CSMD1: variants seen among roughly 807,000 people sequenced by gnomAD.
CSMD1 encodes the protein CUB and Sushi multiple domains 1.
CSMD1 carries 213 observed loss-of-function variants against 417.5 expected under a neutral mutation model. That is an observed-to-expected ratio of 0.51 (90% CI 0.46 to 0.57). CSMD1 has a LOEUF of 0.57. CSMD1 is among the 20% of genes least tolerant of loss of function. The pLI, the probability that CSMD1 is intolerant of heterozygous loss-of-function variation, is 0.00. For missense variants in CSMD1, 6,923 were observed against 4,529.7 expected (o/e 1.53, Z -15.17); for synonymous variants, 2,862 against 1,736.8 (o/e 1.65, Z -16.11).
At chr8:3,393,165 C>G (rs148043122) in intron 17 of CSMD1, among the ~76,000 whole-genome samples, 40 of 152,214 alleles carry the variant, frequency 2.6e-4, no homozygotes, top group African/African-American at 9.2e-4. Flanking sequence ...GAATAGGTGA[C>G]AAACCTTTGA....
At chr8:4,925,683 A>C (rs895916233) in intron 1 of CSMD1, among the ~76,000 whole-genome samples, 2 of 151,926 alleles carry the variant, frequency 1.3e-5, no homozygotes, top group African/African-American at 4.8e-5. Flanking sequence ...AGTAGCTGGG[A>C]CTACAGGCGC....
rs1052329121 is a variant in CSMD1, at chr8:3,230,363, C to G, written c.4154-132G>C. On this transcript the variant is annotated intron_variant, in intron 26 of 69. Transcript: ENST00000635120. ...AGTCATTTGTCTACACATGAACATACGAAAATAGTTTCTTTTCCCAGGGGT... is the reference window on the plus strand; with the variant it reads ...AGTCATTTGTCTACACATGAACATAGGAAAATAGTTTCTTTTCCCAGGGGT... 9 of 557,952 alleles carry G rather than the reference C, an allele frequency of 1.6e-5. No homozygotes were observed. The South Asian group carries it at 4.4e-4, about 27-fold the overall frequency. 34.6% of individuals were successfully genotyped at this position (557,952 alleles called of 1,614,324 possible). A position where few individuals can be genotyped will look rare whatever the true frequency, so the allele number is the denominator to read the frequency against.
At chr8:4,160,075 G>GC (rs371668003) in intron 3 of CSMD1, among the ~76,000 whole-genome samples, 86 of 144,436 alleles carry the variant, frequency 6.0e-4, no homozygotes, top group African/African-American at 2.1e-3. Flanking sequence ...TTCTCCAAAA[G>GC]TATGGAATTT....
rs374201564 is a variant in CSMD1 at position 3,302,503 on chromosome 8, C to T, written c.3950+5192G>A. Among the ~76,000 whole-genome samples, 9 of 152,320 alleles carry T rather than the reference C, an allele frequency of 5.9e-5. No homozygotes were observed. In the East Asian group the frequency reaches 7.7e-4, roughly 13 times the overall value. On this transcript the variant is annotated intron_variant, in intron 25 of 69. Coordinates refer to ENST00000635120, the MANE Select transcript of CSMD1 (RefSeq NM_033225.6). ...TTTCACTTCCCATGATATCACTTCT[C>T]ATTTCTTCCCTGCATGTCTATCTTT...
At chr8:4,356,433 T>C (rs575131171) in intron 3 of CSMD1, among the ~76,000 whole-genome samples, 57 of 152,308 alleles carry the variant, frequency 3.7e-4, no homozygotes, top group Middle Eastern at 3.4e-3. Context: ...ACTATAAACA[T>C]GCATGTACAA....
intron 1 of CSMD1, among the ~76,000 whole-genome samples, chr8:4,855,639 C>T (rs540398831): frequency 7.9e-5 from 12 of 152,208 alleles, no homozygotes; most frequent in Non-Finnish European, 1.5e-4. Context: ...GGAGCCAATG[C>T]AATCAACTGG....
intron 1 of CSMD1, among the ~76,000 whole-genome samples, chr8:4,825,958 G>A (rs1799803423): frequency 6.6e-6 from 1 of 151,978 alleles, no homozygotes; most frequent in African/African-American, 2.4e-5. Flanking sequence ...CATCTTTGAG[G>A]ATGACTAATT....
chr8:3,698,677 G>A (rs1173508160), intron 7 of CSMD1, among the ~76,000 whole-genome samples: 2 of 152,108 alleles, frequency 1.3e-5, no homozygotes, highest in Non-Finnish European at 2.9e-5. Context: ...TAACACGCCT[G>A]GTATTCCTTA....
At chr8:3,771,674 G>C (rs1344398926) in intron 5 of CSMD1, among the ~76,000 whole-genome samples, 2 of 152,172 alleles carry the variant, frequency 1.3e-5, no homozygotes, top group Non-Finnish European at 2.9e-5. Context: ...ACAGGAGGAA[G>C]AGAACGGAGA....
intron 7 of CSMD1, among the ~76,000 whole-genome samples, chr8:3,648,402 C>A (rs12677648): frequency 2.0e-5 from 3 of 151,992 alleles, no homozygotes; most frequent in Non-Finnish European, 4.4e-5. Context: ...GACATGCTGC[C>A]TGCTGCACTA....
At chr8:4,941,654 A>G (rs952391488) in intron 1 of CSMD1, among the ~76,000 whole-genome samples, 4 of 151,572 alleles carry the variant, frequency 2.6e-5, no homozygotes, top group African/African-American at 9.7e-5. Flanking sequence ...GCTGGGGTAC[A>G]GTACCACAAT....
chr8:3,473,523 C>A (rs1446321236), intron 11 of CSMD1, among the ~76,000 whole-genome samples: 1 of 152,104 alleles, frequency 6.6e-6, no homozygotes, highest in Non-Finnish European at 1.5e-5. Flanking sequence ...GGCTTGCTAA[C>A]ACTGAGATAT....
intron 3 of CSMD1, among the ~76,000 whole-genome samples, chr8:4,211,912 T>C (rs946004427): frequency 3.3e-5 from 5 of 152,216 alleles, no homozygotes; most frequent in South Asian, 2.1e-4. Flanking sequence ...ACATCATCAA[T>C]GTACTATTAG....
intron 5 of CSMD1, among the ~76,000 whole-genome samples, chr8:3,992,378 T>C (rs1814821789): frequency 2.0e-5 from 3 of 152,204 alleles, no homozygotes; most frequent in Admixed American, 2.0e-4. Context: ...AGCACAAGTT[T>C]ACTATTAAAT....
intron 10 of CSMD1, among the ~76,000 whole-genome samples, chr8:3,527,469 A>T (rs1797800066): frequency 6.6e-6 from 1 of 152,096 alleles, no homozygotes; most frequent in African/African-American, 2.4e-5. Flanking sequence ...CGAGGGTGGG[A>T]TGTCACTATG....
intron 1 of CSMD1, among the ~76,000 whole-genome samples, chr8:4,804,668 T>C (rs538121425): frequency 6.6e-6 from 1 of 152,284 alleles, no homozygotes; most frequent in East Asian, 1.9e-4. Flanking sequence ...TACTGACTTT[T>C]AGTGATCAAA....
Position 4,231,961 on chromosome 8 carries a change from C to G in CSMD1, c.415+187992G>C, listed in dbSNP as rs569379391. 3.3e-5 allele frequency among the ~76,000 whole-genome samples: 5 copies of G among 152,208 alleles called. No individual in the cohort carries two copies. In the East Asian group the frequency reaches 9.7e-4, roughly 29 times the overall value. ...TTCTTCCTTTTCTACCTCCTCCTTT[C>G]TTTCTTTTGCAAAAGGCTAATCATT... On this transcript the variant is annotated intron_variant, in intron 3 of 69. Transcript: ENST00000635120.
At chr8:4,467,762 T>A (rs17415198) in intron 2 of CSMD1, among the ~76,000 whole-genome samples, 1 of 152,098 alleles carries the variant, frequency 6.6e-6, no homozygotes, top group South Asian at 2.1e-4. Context: ...ATATTTACCG[T>A]AGAAAGCACC....
intron 2 of CSMD1, among the ~76,000 whole-genome samples, chr8:4,472,994 A>G (rs542134222): frequency 5.0e-4 from 76 of 152,122 alleles, no homozygotes; most frequent in Middle Eastern, 6.9e-3. Context: ...TTTTATATGT[A>G]CACATAAATT....
Sources: allele counts gnomAD v4.1 joint callset (sites outside exome capture counted in the v4.1 genomes callset), GRCh38; gene constraint gnomAD v4.1.1; transcripts MANE v1.5; gene names NCBI Gene and HGNC (gene_info 2026-07-23, HGNC 2026-07-21).